Variants in PKHD1 observed in about 807,000 individuals in gnomAD.
PKHD1 encodes PKHD1 ciliary IPT domain containing fibrocystin/polyductin.
Under a neutral mutation model 412.0 loss-of-function variants are expected in PKHD1, and 291 were observed. The ratio of observed to expected loss-of-function variants is 0.71; its 90% CI spans 0.64 to 0.78. The LOEUF (loss-of-function observed/expected upper bound fraction) is 0.78, where lower values mean the gene tolerates loss of function less well. PKHD1 is among the 30% of genes least tolerant of loss of function. The probability of loss-of-function intolerance (pLI) is 0.00; values close to 1 mark genes in which losing one functional copy is unlikely to be tolerated. For synonymous variants in PKHD1, 1,777 were observed against 1,821.5 expected (o/e 0.98, Z 0.62); for missense variants, 4,825 against 4,950.7 (o/e 0.97, Z 0.76).
At chr6:51,903,784 A>T in intron 42 of PKHD1, 57 bp from the exon 43 acceptor site, 1 of 1,395,864 alleles carries the variant, frequency 7.2e-7, no homozygotes, top group Non-Finnish European at 1.0e-6. Context: ...TACTCAACTC[A>T]ACACCCTTGA....
intron 43 of PKHD1, among the ~76,000 whole-genome samples, chr6:51,890,516 G>C (rs1344052720): frequency 6.6e-6 from 1 of 151,604 alleles, no homozygotes; most frequent in Admixed American, 6.6e-5. Context: ...AAGTAAGCCA[G>C]CTCCTAGAGG....
intron 35 of PKHD1, among the ~76,000 whole-genome samples, chr6:51,977,944 G>A (rs1372293899): frequency 6.6e-6 from 1 of 152,176 alleles, no homozygotes; most frequent in Non-Finnish European, 1.5e-5. Flanking sequence ...GAGGCAGACT[G>A]GATTGGTGAG....
intron 35 of PKHD1, among the ~76,000 whole-genome samples, chr6:52,005,566 C>T (rs78274292): frequency 0.02 from 3,051 of 152,246 alleles, 48 homozygotes; most frequent in South Asian, 0.047. Flanking sequence ...ATGCCACTGG[C>T]GTTAATAGAG....
intron 64 of PKHD1, among the ~76,000 whole-genome samples, chr6:51,635,891 G>T (rs1768503522): frequency 6.6e-6 from 1 of 150,392 alleles, no homozygotes; most frequent in African/African-American, 2.4e-5. Flanking sequence ...GCGGATTTGT[G>T]GGTGATACCT....
intron 60 of PKHD1, among the ~76,000 whole-genome samples, chr6:51,718,680 G>A (rs947482697): frequency 2.0e-5 from 3 of 152,122 alleles, no homozygotes; most frequent in Admixed American, 1.3e-4. Flanking sequence ...AATAGAGATG[G>A]TCTCAATGAA....
chr6:51,880,779 T>TAAAAAAAAAAAAA (rs71544105), intron 46 of PKHD1, among the ~76,000 whole-genome samples: 60 of 30,044 alleles, frequency 2.0e-3, no homozygotes, highest in African/African-American at 2.8e-3. Context: ...AAAAAAAAAT[T>TAAAAAAAAAAAAA]AAAAAAAAAA....
chr6:52,038,395 G>T (rs892777899), intron 27 of PKHD1, among the ~76,000 whole-genome samples: 8 of 150,622 alleles, frequency 5.3e-5, no homozygotes, highest in African/African-American at 1.9e-4. Context: ...AAAAAAGTTG[G>T]CAGGGGTGTG....
At chr6:51,786,819 G>A (rs923992275) in intron 53 of PKHD1, among the ~76,000 whole-genome samples, 3 of 152,160 alleles carry the variant, frequency 2.0e-5, no homozygotes, top group South Asian at 2.1e-4. Flanking sequence ...CATGGCAGAC[G>A]CTGAGTAAAC....
intron 35 of PKHD1, among the ~76,000 whole-genome samples, chr6:51,980,542 G>A (rs1021586710): frequency 4.6e-5 from 7 of 152,020 alleles, no homozygotes; most frequent in Admixed American, 3.3e-4. Flanking sequence ...AGGATAAAAT[G>A]ACAAATAACA....
chr6:51,895,487 T>C (rs569038610), intron 43 of PKHD1, among the ~76,000 whole-genome samples: 93 of 152,362 alleles, frequency 6.1e-4, no homozygotes, highest in African/African-American at 2.1e-3. Flanking sequence ...ATTTTAGAAC[T>C]TTGGAACTTG....
At position 52,017,597 on chromosome 6, in the gene PKHD1, C is replaced by T; in HGVS notation, c.5413G>A (p.Glu1805Lys). 1.2e-6 allele frequency: 2 copies of T among 1,613,868 alleles called. No individual in the cohort carries two copies. Among genetic ancestry groups the T allele is most frequent in the African/African-American group, 1.3e-5 (1 of 75,046 alleles). Residue 1805 changes from glutamate (E) to lysine (K), a missense_variant, in exon 34 of 67, where the codon GAG (glutamate) becomes AAG (lysine). By Grantham distance (56) the Glu-to-Lys change is moderately conservative. Transcript: ENST00000371117. ...SLAFLCGLKR[E>K]EDSCEAARHT... is the part of the protein sequence containing the mutation. ...CTGGCAGCCTCACAGCTGTCCTCCTCACGCTTCAGGCCACACAGGAAGGCC... is the reference window on the plus strand; with the variant it reads ...CTGGCAGCCTCACAGCTGTCCTCCTTACGCTTCAGGCCACACAGGAAGGCC...
At chr6:51,666,971 T>A (rs1773919790) in intron 60 of PKHD1, among the ~76,000 whole-genome samples, 1 of 150,520 alleles carries the variant, frequency 6.6e-6, no homozygotes, top group Non-Finnish European at 1.5e-5. Flanking sequence ...TGGTTCCAAG[T>A]CTTTGCTATT....
intron 44 of PKHD1, among the ~76,000 whole-genome samples, chr6:51,886,580 G>A (rs981561305): frequency 1.3e-5 from 2 of 152,152 alleles, no homozygotes; most frequent in East Asian, 3.9e-4. Context: ...ATTTAAATGA[G>A]AAATCTAAAA....
At chr6:51,757,736 T>A (rs1163495013) in intron 55 of PKHD1, among the ~76,000 whole-genome samples, 1 of 152,064 alleles carries the variant, frequency 6.6e-6, no homozygotes, top group African/African-American at 2.4e-5. Flanking sequence ...GTACAGTGCC[T>A]CTTGCCTTAT....
intron 60 of PKHD1, among the ~76,000 whole-genome samples, chr6:51,715,133 T>C (rs1781106058): frequency 6.6e-6 from 1 of 152,188 alleles, no homozygotes; most frequent in Admixed American, 6.5e-5. Context: ...TAGTCTCCTT[T>C]ATACTTGTGG....
intron 55 of PKHD1, among the ~76,000 whole-genome samples, chr6:51,761,388 G>C (rs1299608188): frequency 6.6e-6 from 1 of 152,050 alleles, no homozygotes; most frequent in Non-Finnish European, 1.5e-5. Flanking sequence ...GAATTCACTG[G>C]ACTAGAGAGT....
intron 25 of PKHD1, 24 bp from the exon 26 acceptor site, chr6:52,043,754 T>C: frequency 6.5e-7 from 1 of 1,543,068 alleles, no homozygotes. Flanking sequence ...AAATTTCTTT[T>C]CCATTTTATG....
chr6:51,731,395 G>A (rs1057222393), intron 60 of PKHD1, among the ~76,000 whole-genome samples: 1 of 152,162 alleles, frequency 6.6e-6, no homozygotes, highest in Non-Finnish European at 1.5e-5. Flanking sequence ...ACAGAGAAAT[G>A]TGAATAGATT....
At chr6:51,710,951 C>G (rs1366200805) in intron 60 of PKHD1, among the ~76,000 whole-genome samples, 1 of 152,112 alleles carries the variant, frequency 6.6e-6, no homozygotes, top group Non-Finnish European at 1.5e-5. Context: ...GTATCAGGTA[C>G]CTCTTGTGTG....
Sources: allele counts gnomAD v4.1 joint callset (sites outside exome capture counted in the v4.1 genomes callset), GRCh38; gene constraint gnomAD v4.1.1; transcripts MANE v1.5; gene names NCBI Gene and HGNC (gene_info 2026-07-23, HGNC 2026-07-21).